The following TMPRSS2 variants were observed in gnomAD, a reference collection of about 807,000 sequenced individuals.
The protein encoded by TMPRSS2 is transmembrane serine protease 2.
In TMPRSS2, 59 loss-of-function variants were observed where a neutral mutation model predicts 67.4. The observed-to-expected ratio is 0.88, with a 90% CI of 0.71 to 1.09. The LOEUF is 1.09. TMPRSS2 is among the 50% of genes least tolerant of loss of function. The probability of loss-of-function intolerance (pLI) is 0.00; values close to 1 mark genes in which losing one functional copy is unlikely to be tolerated. For synonymous variants in TMPRSS2, 257 were observed against 257.0 expected, an observed-to-expected ratio of 1.00 and a Z score of 0.00; for missense variants, 668 against 642.7, an observed-to-expected ratio of 1.04 and a Z score of -0.43.
intron 1 of TMPRSS2, among the ~76,000 whole-genome samples, chr21:41,502,927 C>G (rs568244368): frequency 9.2e-5 from 14 of 152,172 alleles, no homozygotes; most frequent in Non-Finnish European, 1.3e-4. Flanking sequence ...CACTTTGTAG[C>G]TTACAAAGAC....
Position 41,470,562 on chromosome 21 carries a change from T to C in TMPRSS2, c.1171+86A>G, listed in dbSNP as rs2091123712. 3.2e-6 allele frequency: 4 copies of C among 1,256,916 alleles called. No individual in the cohort carries two copies. The East Asian group carries it at 1.0e-4, about 32-fold the overall frequency. The allele number at this position is 1,256,916 out of a possible 1,614,324, so 77.9% of individuals were successfully genotyped here. A position where few individuals can be genotyped will look rare whatever the true frequency, so the allele number is the denominator to read the frequency against. On this transcript the variant is annotated intron_variant, in intron 11 of 13. Transcript: ENST00000332149. ...TCATCCAGTCATTGAGTAGTAGAACTGGGATTAAAACCTGGACCTCCCACT... is the reference window on the plus strand; with the variant it reads ...TCATCCAGTCATTGAGTAGTAGAACCGGGATTAAAACCTGGACCTCCCACT...
At chr21:41,470,294 C>T (rs921099114) in intron 11 of TMPRSS2, among the ~76,000 whole-genome samples, 2 of 152,138 alleles carry the variant, frequency 1.3e-5, no homozygotes, top group African/African-American at 4.8e-5. Context: ...CTCACCAAGC[C>T]CCCTGTCACT....
intron 7 of TMPRSS2, 21 bp from the exon 8 acceptor site, chr21:41,476,641 A>G: frequency 6.2e-7 from 1 of 1,611,576 alleles, no homozygotes; most frequent in Non-Finnish European, 8.5e-7. Context: ...AACAGGGGAA[A>G]TTCTGGTCAC....
chr21:41,477,692 C>A (rs970685644), intron 7 of TMPRSS2, among the ~76,000 whole-genome samples: 2 of 152,116 alleles, frequency 1.3e-5, no homozygotes, highest in Admixed American at 6.5e-5. Flanking sequence ...ACTGACACGG[C>A]CAAGTGAAGA....
In TMPRSS2 at chr21:41,468,380, A is replaced by T; in HGVS notation, c.1314+16T>A. The T allele has an allele frequency of 6.2e-7, 1 of 1,613,998 alleles. No homozygotes were observed. Among genetic ancestry groups the T allele is most frequent in the Non-Finnish European group, 8.5e-7 (1 of 1,179,958 alleles). ...ATCTGGTAAGGACCAAAGGTAGAAT[A>T]AAAATGTTGAATTACCTGGCAAGAA... On this transcript the variant is annotated intron_variant, in intron 12 of 13. Transcript: ENST00000332149.
intron 8 of TMPRSS2, among the ~76,000 whole-genome samples, chr21:41,475,999 GGA>G (rs1421486369): frequency 6.6e-6 from 1 of 152,032 alleles, no homozygotes; most frequent in African/African-American, 2.4e-5. Flanking sequence ...CCATCCCAGA[GGA>G]GAGGGACGGT....
At chr21:41,472,109 G>A in intron 9 of TMPRSS2, 128 bp from the exon 10 acceptor site, 1 of 886,850 alleles carries the variant, frequency 1.1e-6, no homozygotes, top group Non-Finnish European at 1.7e-6. Flanking sequence ...ACCACACAGG[G>A]AGATAGTGGA....
chr21:41,479,127 A>T, intron 7 of TMPRSS2, 45 bp downstream of exon 7: 2 of 1,406,610 alleles, frequency 1.4e-6, no homozygotes, highest in Non-Finnish European at 2.0e-6. Context: ...GGTGTCTCCT[A>T]GTTGATTTCA....
intron 2 of TMPRSS2, among the ~76,000 whole-genome samples, chr21:41,495,420 T>C (rs942503675): frequency 6.6e-6 from 1 of 151,852 alleles, no homozygotes; most frequent in African/African-American, 2.4e-5. Flanking sequence ...GGTCAGGAGT[T>C]TGAGACCAGC....
intron 5 of TMPRSS2, among the ~76,000 whole-genome samples, chr21:41,484,290 CAGGTAT>C (rs765907137): frequency 2.6e-5 from 4 of 152,084 alleles, no homozygotes; most frequent in Non-Finnish European, 5.9e-5. Context: ...TAGCAAATTC[CAGGTAT>C]AGAGTACAGC....
chr21:41,467,626 G>C, intron 13 of TMPRSS2, 108 bp downstream of exon 13: 1 of 1,359,920 alleles, frequency 7.4e-7, no homozygotes, highest in Non-Finnish European at 1.0e-6. Context: ...GCTTCATGCT[G>C]ACCAGTGGTC....
chr21:41,473,275 C>A, intron 9 of TMPRSS2, 50 bp downstream of exon 9: 1 of 1,521,726 alleles, frequency 6.6e-7, no homozygotes, highest in Non-Finnish European at 8.9e-7. Flanking sequence ...CACAGGGTGG[C>A]TGTAGGCCAG....
chr21:41,498,047 A>G (rs1350965501), intron 2 of TMPRSS2, 72 bp downstream of exon 2: 2 of 1,244,568 alleles, frequency 1.6e-6, no homozygotes, highest in African/African-American at 1.5e-5. Flanking sequence ...GCTGACCCCA[A>G]ACAATGTTGG....
At chr21:41,488,281 A>G in intron 5 of TMPRSS2, 113 bp downstream of exon 5, 4 of 1,250,802 alleles carry the variant, frequency 3.2e-6, no homozygotes, top group Non-Finnish European at 4.5e-6. Flanking sequence ...CAATGACATC[A>G]TGTGTCAGCG....
intron 12 of TMPRSS2, 95 bp from the exon 13 acceptor site, chr21:41,467,981 G>A (rs770436679): frequency 6.4e-6 from 9 of 1,404,358 alleles, no homozygotes; most frequent in Admixed American, 3.6e-5. Flanking sequence ...GGCGGGGGTC[G>A]CAGTGTGAGT....
chr21:41,476,862 C>T (rs2091217793), intron 7 of TMPRSS2, among the ~76,000 whole-genome samples: 1 of 152,168 alleles, frequency 6.6e-6, no homozygotes, highest in Admixed American at 6.6e-5. Flanking sequence ...AGTTACTTAA[C>T]CTCTCTTAAA....
chr21:41,468,625 G>A (rs1264673840), intron 11 of TMPRSS2, 87 bp from the exon 12 acceptor site: 14 of 1,461,390 alleles, frequency 9.6e-6, no homozygotes, highest in East Asian at 6.9e-5. Flanking sequence ...ACCTCCACAC[G>A]CACTACACAG....
At chr21:41,498,095 G>T in intron 2 of TMPRSS2, 24 bp downstream of exon 2, 1 of 1,558,378 alleles carries the variant, frequency 6.4e-7, no homozygotes, top group Non-Finnish European at 8.8e-7. Flanking sequence ...GAAAAGGCCA[G>T]GAAGGTAATA....
chr21:41,467,101 A>T (rs1311163253), intron 13 of TMPRSS2, among the ~76,000 whole-genome samples: 1 of 152,134 alleles, frequency 6.6e-6, no homozygotes, highest in African/African-American at 2.4e-5. Flanking sequence ...CAAAAGTTTC[A>T]TGTGAGGCCG....
Sources: gnomAD v4.1 joint callset for allele counts (sites outside exome capture counted in the v4.1 genomes callset) on GRCh38, gnomAD v4.1.1 for gene constraint, MANE v1.5 for transcripts, NCBI Gene and HGNC (gene_info 2026-07-23, HGNC 2026-07-21) for gene names.